The following RALGAPA2 variants were observed in gnomAD, a reference collection of about 807,000 sequenced individuals.
RALGAPA2 encodes the protein ral GTPase-activating protein subunit alpha-2.
RALGAPA2 carries 139 observed loss-of-function variants against 230.4 expected under a neutral mutation model. That is an observed-to-expected ratio of 0.60 (90% CI 0.53 to 0.69). The LOEUF (loss-of-function observed/expected upper bound fraction) is 0.69. Among genes scored for constraint, RALGAPA2 ranks in the 30% least tolerant of loss-of-function variants. RALGAPA2 has a pLI of 0.00. For missense variants in RALGAPA2, 2,163 were observed against 2,276.0 expected (o/e 0.95, Z 1.01); for synonymous variants, 847 against 837.8 (o/e 1.01, Z -0.19).
chr20:20,644,673 T>C (rs1481911322), intron 4 of RALGAPA2, among the ~76,000 whole-genome samples: 1 of 152,162 alleles, frequency 6.6e-6, no homozygotes, highest in African/African-American at 2.4e-5. Context: ...AGCGAAAGTG[T>C]CTCCCCTTCC....
At chr20:20,550,108 AC>A (rs2063881921) in intron 23 of RALGAPA2, among the ~76,000 whole-genome samples, 1 of 152,074 alleles carries the variant, frequency 6.6e-6, no homozygotes, top group Non-Finnish European at 1.5e-5. Flanking sequence ...TAAGCACTAT[AC>A]CCAATTTGTA....
chr20:20,440,843 C>T lies in RALGAPA2; in HGVS notation c.5496-28695G>A, dbSNP rs538193724. ...AGGACCCACTTTCTTCAGAATGCCCCGGGAAAATCAGTTATTCATAAAAGA... is the reference window on the plus strand; with the variant it reads ...AGGACCCACTTTCTTCAGAATGCCCTGGGAAAATCAGTTATTCATAAAAGA... On this transcript the variant is annotated intron_variant, in intron 37 of 39. Transcript: ENST00000202677. Among the ~76,000 whole-genome samples the T allele has an allele frequency of 9.0e-4, 137 of 152,292 alleles. 1 individual carries two copies. The highest frequency in any genetic ancestry group is 3.0e-3 in the African/African-American group (125 of 41,558).
At position 20,601,860 on chromosome 20, in the gene RALGAPA2, A is replaced by G; in HGVS notation, c.2039-14T>C. 2 of 1,570,880 alleles carry G rather than the reference A, an allele frequency of 1.3e-6. No individual in the cohort carries two copies. The highest frequency in any genetic ancestry group is 1.7e-6 in the Non-Finnish European group (2 of 1,159,536). On this transcript the variant is annotated splice_polypyrimidine_tract_variant and intron_variant, in intron 15 of 39. Coordinates refer to ENST00000202677, the MANE Select transcript of RALGAPA2 (RefSeq NM_020343.4). The stretch of plus-strand genomic sequence containing the variant: ...CTAGAACACAGCCTGATAAAGGAAA[A>G]GAAAAATAATCTAAAGGCTGAATTC...
chr20:20,526,776 T>G (rs1320064223), intron 27 of RALGAPA2, among the ~76,000 whole-genome samples: 1 of 152,202 alleles, frequency 6.6e-6, no homozygotes, highest in East Asian at 1.9e-4. Context: ...CTCTGCAAGG[T>G]AGATGTTATT....
intron 12 of RALGAPA2, among the ~76,000 whole-genome samples, chr20:20,616,626 G>T (rs2066150357): frequency 6.6e-6 from 1 of 152,182 alleles, no homozygotes; most frequent in African/African-American, 2.4e-5. Context: ...ACAGAACTAT[G>T]TGATTCTTAT....
intron 10 of RALGAPA2, among the ~76,000 whole-genome samples, chr20:20,626,035 C>T (rs183370997): frequency 1.2e-4 from 19 of 152,360 alleles, no homozygotes; most frequent in Non-Finnish European, 2.2e-4. Context: ...TCCCAAGTCA[C>T]TCATGGACAT....
intron 4 of RALGAPA2, among the ~76,000 whole-genome samples, chr20:20,650,989 C>T (rs1021347800): frequency 5.9e-5 from 9 of 152,188 alleles, no homozygotes; most frequent in African/African-American, 2.2e-4. Context: ...CATATGCCTG[C>T]AACACCCGAA....
intron 5 of RALGAPA2, among the ~76,000 whole-genome samples, chr20:20,642,590 T>C (rs990533006): frequency 2.6e-5 from 4 of 152,220 alleles, no homozygotes; most frequent in Admixed American, 2.6e-4. Flanking sequence ...AAGTCTCCAA[T>C]TGTTATATGT....
At chr20:20,441,946 T>A (rs917363825) in intron 37 of RALGAPA2, among the ~76,000 whole-genome samples, 1 of 152,212 alleles carries the variant, frequency 6.6e-6, no homozygotes, top group South Asian at 2.1e-4. Context: ...GAAAAAAAAT[T>A]TACTGTTTTT....
In RALGAPA2 at chr20:20,712,603, TGCCGCCGCCGCC is replaced by T. The variant is rs576792974; in HGVS notation, c.-135_-124del. On this transcript the variant is annotated 5_prime_UTR_variant, in exon 1 of 40. Coordinates refer to ENST00000202677, the MANE Select transcript of RALGAPA2 (RefSeq NM_020343.4). The surrounding 1 kb of genome is among the most constrained non-coding windows in gnomAD (Gnocchi z 5.5). ...CACTCGCCGCCCCCAGCCCCGCTGC[TGCCGCCGCCGCC>T]GCCGCCGCCGCCGCCTCAGCTGTGT... 19 of 1,179,226 alleles carry T rather than the reference TGCCGCCGCCGCC, an allele frequency of 1.6e-5. No individual in the cohort carries two copies. The highest frequency in any genetic ancestry group is 1.5e-4 in the South Asian group (4 of 26,250). 73.0% of individuals were successfully genotyped at this position (1,179,226 alleles called of 1,614,324 possible).
intron 37 of RALGAPA2, among the ~76,000 whole-genome samples, chr20:20,436,578 C>G (rs1253236094): frequency 6.6e-6 from 1 of 152,198 alleles, no homozygotes; most frequent in East Asian, 1.9e-4. Context: ...GGCCAGGACA[C>G]AAAGGCATAG....
rs370792854 is a variant in RALGAPA2, at chr20:20,571,503, C to T, written c.3111G>A (p.Val1037=). 36 of 1,612,708 alleles carry T rather than the reference C, an allele frequency of 2.2e-5. No homozygotes were observed. The highest frequency in any genetic ancestry group is 5.3e-5 in the African/African-American group (4 of 74,898). Residue 1037 remains valine (V), a synonymous_variant, in exon 23 of 40, where the codon GTG becomes GTA. Transcript: ENST00000202677. Reference sequence around the variant, plus strand: ...CCAGGTGCATCACAAGGTAAAAATGCACCAGGAAATCTGAGTTTGGCAGAA... The same window carrying T: ...CCAGGTGCATCACAAGGTAAAAATGTACCAGGAAATCTGAGTTTGGCAGAA... ...QDVLPNSDFL[V]HFYLVMHLGL... is the part of the protein sequence containing the mutation.
intron 35 of RALGAPA2, among the ~76,000 whole-genome samples, chr20:20,500,910 A>G (rs2062355126): frequency 6.6e-6 from 1 of 152,230 alleles, no homozygotes; most frequent in Non-Finnish European, 1.5e-5. Flanking sequence ...TCTCCTTCAG[A>G]GCTCTTGAGT....
At chr20:20,636,554 GTGTA>G (rs1287950868) in intron 8 of RALGAPA2, among the ~76,000 whole-genome samples, 200 of 148,172 alleles carry the variant, frequency 1.3e-3, no homozygotes, top group Non-Finnish European at 2.4e-3. Flanking sequence ...GTGTGTGTGT[GTGTA>G]TGTGTGTGTG....
intron 9 of RALGAPA2, 43 bp from the exon 10 acceptor site, chr20:20,629,633 C>A: frequency 6.3e-7 from 1 of 1,588,032 alleles, no homozygotes. Context: ...CTCACCCCCA[C>A]TCAAGAACAC....
chr20:20,447,883 C>T (rs566352292), intron 37 of RALGAPA2, among the ~76,000 whole-genome samples: 1 of 152,268 alleles, frequency 6.6e-6, no homozygotes, highest in East Asian at 1.9e-4. Context: ...TGCCAGGTCC[C>T]TGATGCATGC....
chr20:20,448,388 A>G (rs1354388365), intron 37 of RALGAPA2, among the ~76,000 whole-genome samples: 1 of 152,218 alleles, frequency 6.6e-6, no homozygotes, highest in Non-Finnish European at 1.5e-5. Context: ...GTCTTAGTTA[A>G]TAGATGTGTT....
intron 1 of RALGAPA2, among the ~76,000 whole-genome samples, chr20:20,691,476 A>G (rs1278232081): frequency 6.6e-6 from 1 of 152,226 alleles, no homozygotes; most frequent in Non-Finnish European, 1.5e-5. Context: ...TTTTGTATTA[A>G]ATATTTAATC....
chr20:20,648,685 G>A (rs549885187), intron 4 of RALGAPA2, among the ~76,000 whole-genome samples: 1 of 152,002 alleles, frequency 6.6e-6, no homozygotes, highest in Non-Finnish European at 1.5e-5. Context: ...TGGGTAACTT[G>A]GCATGAAGGA....
Sources: allele counts gnomAD v4.1 joint callset (sites outside exome capture counted in the v4.1 genomes callset), GRCh38; gene constraint gnomAD v4.1.1; non-coding constraint Gnocchi (gnomAD v3.1); transcripts MANE v1.5; gene names NCBI Gene and HGNC (gene_info 2026-07-23, HGNC 2026-07-21).